Variants in NCOA4 observed in about 807,000 individuals in gnomAD.
The protein encoded by NCOA4 is nuclear receptor coactivator 4.
A neutral mutation model predicts 69.5 loss-of-function variants in NCOA4; 31 were observed. That is an observed-to-expected ratio of 0.45 (90% CI 0.34 to 0.60). NCOA4 has a LOEUF of 0.60. NCOA4 is among the 20% of genes least tolerant of loss of function. The probability of loss-of-function intolerance (pLI) is 0.02; values close to 1 mark genes in which losing one functional copy is unlikely to be tolerated. For missense variants in NCOA4, 600 were observed against 719.2 expected (o/e 0.83, Z 1.90); for synonymous variants, 228 against 252.4 (o/e 0.90, Z 0.92).
chr10:46,022,163 C>G (rs1421445383), intron 1 of NCOA4, among the ~76,000 whole-genome samples: 2 of 152,042 alleles, frequency 1.3e-5, no homozygotes, highest in African/African-American at 2.4e-5. Context: ...TTCTCTGCCC[C>G]CCTTGCCACC....
At chr10:46,021,682 G>C (rs575361648) in intron 1 of NCOA4, among the ~76,000 whole-genome samples, 4 of 152,154 alleles carry the variant, frequency 2.6e-5, no homozygotes, top group African/African-American at 4.8e-5. Context: ...AGTACTGGCC[G>C]GGCGCGGTGA....
At chr10:46,008,489 G>GT (rs1448877260) in intron 9 of NCOA4, among the ~76,000 whole-genome samples, 1 of 152,224 alleles carries the variant, frequency 6.6e-6, no homozygotes, top group African/African-American at 2.4e-5. Context: ...AGAATTAGAA[G>GT]TGGAGCCTGA....
chr10:46,020,730 C>A (rs1208247273), intron 1 of NCOA4, among the ~76,000 whole-genome samples: 1 of 152,134 alleles, frequency 6.6e-6, no homozygotes, highest in Non-Finnish European at 1.5e-5. Context: ...CTAATATATA[C>A]CAAGTATGGA....
At chr10:46,014,985 G>A in intron 3 of NCOA4, 43 bp from the exon 4 acceptor site, 1 of 1,590,314 alleles carries the variant, frequency 6.3e-7, no homozygotes, top group Non-Finnish European at 8.6e-7. Context: ...GACACCAAAA[G>A]CACCAGATAT....
chr10:46,007,486 T>A (rs758244905), intron 9 of NCOA4, among the ~76,000 whole-genome samples: 3 of 151,622 alleles, frequency 2.0e-5, no homozygotes, highest in African/African-American at 7.3e-5. Context: ...TTGGAAGAAG[T>A]AGTCATCTAG....
chr10:46,010,994 C>T lies in NCOA4; in HGVS notation c.927G>A (p.Gln309=). 1 of 1,613,948 alleles carries T rather than the reference C, an allele frequency of 6.2e-7. No homozygotes were observed. The highest frequency in any genetic ancestry group is 1.1e-5 in the South Asian group (1 of 91,074). ...CAGGCTTCCGCAGCTTATGGGATTC[C>T]TGGGGAGTCACTAGCCAATCTGATA... ...MDLSDWLVTP[Q]ESHKLRKPEN... Residue 309 remains glutamine (Q), a synonymous_variant, in exon 8 of 10, where the codon CAG becomes CAA. Transcript: ENST00000581486.
chr10:46,009,953 G>C (rs1839102366), intron 8 of NCOA4, among the ~76,000 whole-genome samples: 1 of 152,134 alleles, frequency 6.6e-6, no homozygotes, highest in Non-Finnish European at 1.5e-5. Context: ...GATCGCTTAA[G>C]CTCAGGAGTT....
At chr10:46,012,070 G>GGAAAAAAAAAAAAAAAAAA (rs1839247374) in intron 7 of NCOA4, among the ~76,000 whole-genome samples, 1 of 44,524 alleles carries the variant, frequency 2.2e-5, no homozygotes, top group Non-Finnish European at 4.1e-5. Flanking sequence ...CAAAAAGAAA[G>GGAAAAAAAAAAAAAAAAAA]AAAAAAAAAA....
chr10:46,028,808 A>T (rs1554925996), intron 1 of NCOA4, among the ~76,000 whole-genome samples: 1 of 152,132 alleles, frequency 6.6e-6, no homozygotes, highest in African/African-American at 2.4e-5. Context: ...TAGATTCACC[A>T]ACCAAGCAGA....
At position 46,005,774 on chromosome 10, in the gene NCOA4, A is replaced by G; in HGVS notation, c.*818T>C. 4.7e-6 allele frequency: 1 copy of G among 213,018 alleles called. No individual in the cohort carries two copies. Among genetic ancestry groups the G allele is most frequent in the Non-Finnish European group, 9.5e-6 (1 of 105,050 alleles). The allele number at this position is 213,018 out of a possible 1,614,324, so 13.2% of individuals were successfully genotyped here. On this transcript the variant is annotated 3_prime_UTR_variant, in exon 10 of 10. Coordinates refer to ENST00000581486, the MANE Select transcript of NCOA4 (RefSeq NM_001145263.2). ...TTATCCCTATGATAGTGACTGTTTC[A>G]AGTACTATACTACATTTCCAACATG...
At chr10:46,019,540 A>T (rs1839752205) in intron 1 of NCOA4, 1 of 984,420 alleles carries the variant, frequency 1.0e-6, no homozygotes, top group African/African-American at 1.7e-5. Context: ...GAATCAATAA[A>T]ATTAAATTGT....
chr10:46,029,523 A>G (rs782262339), intron 1 of NCOA4, among the ~76,000 whole-genome samples: 1 of 152,192 alleles, frequency 6.6e-6, no homozygotes, highest in Non-Finnish European at 1.5e-5. Flanking sequence ...CCTCATTCCA[A>G]TAAGTAACTC....
In NCOA4 at chr10:46,007,579, CTCTTT is replaced by C. The variant is rs1476541593; in HGVS notation, c.1840-987_1840-983del. ...TGTTAGGGACTAACACAGCCAGTGA[CTCTTT>C]TTTTTTTTTTTTTTTTTTTTTTTTT... On this transcript the variant is annotated intron_variant, in intron 9 of 9. Coordinates refer to ENST00000581486, the MANE Select transcript of NCOA4 (RefSeq NM_001145263.2). 3.2e-5 allele frequency among the ~76,000 whole-genome samples: 4 copies of C among 125,674 alleles called. No individual in the cohort carries two copies. In the Admixed American group the frequency reaches 3.3e-4, roughly 11 times the overall value. The allele number at this position is 125,674 out of a possible 152,430, so 82.4% of individuals were successfully genotyped here.
intron 1 of NCOA4, among the ~76,000 whole-genome samples, chr10:46,024,337 C>A (rs1250933437): frequency 2.0e-5 from 3 of 152,190 alleles, no homozygotes; most frequent in Non-Finnish European, 2.9e-5. Context: ...ATGTCAGGAA[C>A]TTTCATCTAT....
At chr10:46,028,553 AAGC>A (rs1840282308) in intron 1 of NCOA4, among the ~76,000 whole-genome samples, 1 of 151,856 alleles carries the variant, frequency 6.6e-6, no homozygotes, top group Non-Finnish European at 1.5e-5. Context: ...AAAAAAAAAA[AAGC>A]AGACTTGACA....
chr10:46,012,108 A>T (rs1237130466), intron 7 of NCOA4, among the ~76,000 whole-genome samples: 2 of 148,126 alleles, frequency 1.4e-5, no homozygotes, highest in South Asian at 4.2e-4. Flanking sequence ...AAAAAACGAA[A>T]AAAGAAAATA....
chr10:46,010,187 A>C, intron 8 of NCOA4, 36 bp downstream of exon 8: 3 of 1,545,836 alleles, frequency 1.9e-6, no homozygotes, highest in South Asian at 1.3e-5. Flanking sequence ...AAATAAATAA[A>C]ACTCAAACCA....
chr10:46,024,684 T>C (rs1840064327), intron 1 of NCOA4, among the ~76,000 whole-genome samples: 1 of 152,246 alleles, frequency 6.6e-6, no homozygotes. Flanking sequence ...TACTCCCTTA[T>C]GCTTCAGTAT....
intron 6 of NCOA4, among the ~76,000 whole-genome samples, chr10:46,013,302 C>T (rs1554922189): frequency 1.3e-5 from 2 of 152,298 alleles, no homozygotes; most frequent in East Asian, 3.9e-4. Context: ...GAACCAGTAT[C>T]AGTAAGACAG....
Sources: gnomAD v4.1 joint callset for allele counts (sites outside exome capture counted in the v4.1 genomes callset) on GRCh38, gnomAD v4.1.1 for gene constraint, MANE v1.5 for transcripts, NCBI Gene and HGNC (gene_info 2026-07-23, HGNC 2026-07-21) for gene names.